The following KIAA1217 variants were observed in gnomAD, a reference collection of about 807,000 sequenced individuals.
KIAA1217 encodes sickle tail protein homolog.
KIAA1217 carries 88 observed loss-of-function variants against 163.9 expected under a neutral mutation model. That is an observed-to-expected ratio of 0.54 (90% CI 0.45 to 0.64). The LOEUF (loss-of-function observed/expected upper bound fraction) is 0.64. Ranked by LOEUF, KIAA1217 falls within the 30% of genes least tolerant of loss-of-function variation. KIAA1217 has a pLI of 0.00. For missense variants in KIAA1217, 2,372 were observed against 2,475.0 expected, an observed-to-expected ratio of 0.96 and a Z score of 0.88; for synonymous variants, 903 against 923.1, an observed-to-expected ratio of 0.98 and a Z score of 0.39.
At position 23,875,269 on chromosome 10, in the gene KIAA1217, C is replaced by T. The variant is rs75198473; in HGVS notation, c.-320-131956C>T. 8.6e-3 allele frequency among the ~76,000 whole-genome samples: 1,313 copies of T among 152,024 alleles called. 23 individuals are homozygous for T. Among genetic ancestry groups the T allele is most frequent in the African/African-American group, 0.029 (1,220 of 41,486 alleles). ...GAAAGAGGAAACTGTTCTAAGATCC[C>T]TCTTTATAGAAACAGGGGAGCAAGG... is the stretch of plus-strand genomic sequence containing the variant. On this transcript the variant is annotated intron_variant, in intron 1 of 18. Transcript: ENST00000376462.
In KIAA1217 at chr10:23,871,357, T is replaced by C. The variant is rs1247500604; in HGVS notation, c.-320-135868T>C. The stretch of plus-strand genomic sequence containing the variant: ...AGGTACTGACCACCAACTGTTACTC[T>C]GCAGACAAACCACATGTGCGGTTTG... On this transcript the variant is annotated intron_variant, in intron 1 of 18. Coordinates refer to the KIAA1217 transcript ENST00000376462. Among the ~76,000 whole-genome samples the C allele has an allele frequency of 3.3e-5, 5 of 152,112 alleles. No individual in the cohort carries two copies. In the East Asian group the frequency reaches 7.7e-4, roughly 24 times the overall value.
intron 1 of KIAA1217, among the ~76,000 whole-genome samples, chr10:23,781,602 G>T (rs1027369054): frequency 3.3e-5 from 5 of 152,128 alleles, no homozygotes; most frequent in African/African-American, 1.2e-4. Flanking sequence ...TAGTCAACTT[G>T]TTTGCTTTTG....
At chr10:24,133,165 G>A (rs182539921) in intron 2 of KIAA1217, among the ~76,000 whole-genome samples, 1 of 152,208 alleles carries the variant, frequency 6.6e-6, no homozygotes, top group East Asian at 1.9e-4. Flanking sequence ...AATTCAGACT[G>A]CTTGCTTAAC....
Position 23,695,894 on chromosome 10 carries a change from C to T in KIAA1217, c.-321+660C>T, listed in dbSNP as rs984347114. ...GAAGCTGGTCATTAATTCTTGTCAT[C>T]GGGAGGTTTCGCGGAGGGCGACAGC... On this transcript the variant is annotated intron_variant, in intron 1 of 18. Coordinates refer to the KIAA1217 transcript ENST00000376462. The surrounding 1 kb of genome is among the most constrained non-coding windows in gnomAD (Gnocchi z 4.9). 6.6e-6 allele frequency among the ~76,000 whole-genome samples: 1 copy of T among 152,176 alleles called. No individual in the cohort carries two copies. The highest frequency in any genetic ancestry group is 6.5e-5 in the Admixed American group (1 of 15,288).
At chr10:23,823,222 G>A (rs538752014) in intron 1 of KIAA1217, among the ~76,000 whole-genome samples, 17 of 152,202 alleles carry the variant, frequency 1.1e-4, no homozygotes, top group Non-Finnish European at 2.4e-4. Context: ...GCACATTCAG[G>A]TTGTTGGGAG....
chr10:23,887,803 TC>T (rs1307454539), intron 1 of KIAA1217, among the ~76,000 whole-genome samples: 3 of 151,916 alleles, frequency 2.0e-5, no homozygotes, highest in Non-Finnish European at 2.9e-5. Flanking sequence ...CACTGCAACC[TC>T]CACCCCCAGA....
chr10:24,470,356 C>T (rs1012838016), intron 5 of KIAA1217, among the ~76,000 whole-genome samples: 7 of 152,150 alleles, frequency 4.6e-5, no homozygotes, highest in African/African-American at 1.4e-4. Flanking sequence ...TGGGACTGTT[C>T]CTTCTGGTCT....
intron 1 of KIAA1217, among the ~76,000 whole-genome samples, chr10:23,848,548 T>C (rs1839151809): frequency 6.6e-6 from 1 of 152,046 alleles, no homozygotes; most frequent in Non-Finnish European, 1.5e-5. Context: ...CTCAGGAGTC[T>C]CCTGCAACAC....
intron 2 of KIAA1217, among the ~76,000 whole-genome samples, chr10:24,024,663 A>G (rs1481861804): frequency 1.3e-5 from 2 of 151,698 alleles, no homozygotes; most frequent in East Asian, 3.9e-4. Context: ...AGGTGGTTGT[A>G]TCGTTTTGCA....
intron 2 of KIAA1217, among the ~76,000 whole-genome samples, chr10:24,135,604 G>T (rs2063803336): frequency 6.6e-6 from 1 of 152,104 alleles, no homozygotes; most frequent in South Asian, 2.1e-4. Flanking sequence ...GAGGAGGGGA[G>T]AGAGCTGACA....
At chr10:24,428,970 T>C (rs2059381359) in intron 3 of KIAA1217, among the ~76,000 whole-genome samples, 1 of 151,540 alleles carries the variant, frequency 6.6e-6, no homozygotes, top group Non-Finnish European at 1.5e-5. Flanking sequence ...GAGTAGAAAA[T>C]GCTAAGAAAA....
At chr10:24,181,324 G>A (rs1164319834) in intron 2 of KIAA1217, among the ~76,000 whole-genome samples, 1 of 152,164 alleles carries the variant, frequency 6.6e-6, no homozygotes, top group East Asian at 1.9e-4. Flanking sequence ...GACCTGGCTA[G>A]ATGAAGTGAG....
chr10:23,872,143 G>C (rs1264980091), intron 1 of KIAA1217, among the ~76,000 whole-genome samples: 2 of 152,066 alleles, frequency 1.3e-5, no homozygotes, highest in African/African-American at 4.8e-5. Context: ...GTCAGAAATT[G>C]TTAGAGCAGC....
rs537480498 is a variant in KIAA1217, at chr10:24,433,020, T to C, written c.579T>C (p.Asp193=). Residue 193 remains aspartate, a synonymous_variant, in exon 4 of 21, where the codon GAT becomes GAC. Coordinates refer to ENST00000376454, the MANE Select transcript of KIAA1217 (RefSeq NM_019590.5). ...GGGTTCTCTATCTCCAGTATGGAGA[T>C]GAAACCAAGCAGCTCAGGATGCCGA... ...SLGVLYLQYG[D]ETKQLRMPNE... is the part of the protein sequence containing the mutation. 5 of 1,614,164 alleles carry C rather than the reference T, an allele frequency of 3.1e-6. No individual in the cohort carries two copies. Among genetic ancestry groups the C allele is most frequent in the Non-Finnish European group, 4.2e-6 (5 of 1,180,036 alleles).
chr10:23,882,321 A>T (rs1840986475), intron 1 of KIAA1217, among the ~76,000 whole-genome samples: 1 of 151,880 alleles, frequency 6.6e-6, no homozygotes, highest in Admixed American at 6.6e-5. Context: ...TAGATGATCA[A>T]TGTTAATCAA....
chr10:24,426,580 G>A (rs766972029), intron 3 of KIAA1217, among the ~76,000 whole-genome samples: 2 of 151,924 alleles, frequency 1.3e-5, no homozygotes, highest in Non-Finnish European at 2.9e-5. Flanking sequence ...AGCCGAGATC[G>A]CACCATTGCA....
intron 1 of KIAA1217, among the ~76,000 whole-genome samples, chr10:23,851,724 A>G (rs1839339308): frequency 2.0e-5 from 3 of 152,084 alleles, no homozygotes; most frequent in Admixed American, 2.0e-4. Flanking sequence ...GTGAGATGGT[A>G]TCTCATTGTG....
At chr10:24,366,618 T>TCA (rs1316488929) in intron 2 of KIAA1217, among the ~76,000 whole-genome samples, 1 of 152,118 alleles carries the variant, frequency 6.6e-6, no homozygotes, top group African/African-American at 2.4e-5. Context: ...CTGCATGTAT[T>TCA]CACCTTGGGT....
intron 3 of KIAA1217, among the ~76,000 whole-genome samples, chr10:24,428,353 A>T (rs1591840913): frequency 6.6e-6 from 1 of 152,222 alleles, no homozygotes; most frequent in Admixed American, 6.5e-5. Flanking sequence ...TATTCTCCGC[A>T]TTCTGAGGAA....
Sources: gnomAD v4.1 joint callset for allele counts (sites outside exome capture counted in the v4.1 genomes callset) on GRCh38, gnomAD v4.1.1 for gene constraint, Gnocchi (gnomAD v3.1) non-coding constraint, MANE v1.5 for transcripts, NCBI Gene and HGNC (gene_info 2026-07-23, HGNC 2026-07-21) for gene names.